The following ZNF385D variants were observed in gnomAD, a reference collection of about 807,000 sequenced individuals.
ZNF385D encodes the protein zinc finger protein 385D, also known as zinc finger protein 659.
In ZNF385D, 15 loss-of-function variants were observed where a neutral mutation model predicts 35.8. The ratio of observed to expected loss-of-function variants is 0.42; its 90% CI spans 0.28 to 0.64. The LOEUF (loss-of-function observed/expected upper bound fraction) is 0.64, where lower values mean the gene tolerates loss of function less well. Among genes scored for constraint, ZNF385D ranks in the 30% least tolerant of loss-of-function variants. The pLI is 0.23. For missense variants in ZNF385D, 474 were observed against 494.6 expected, an observed-to-expected ratio of 0.96 and a Z score of 0.39; for synonymous variants, 212 against 186.8, an observed-to-expected ratio of 1.13 and a Z score of -1.10.
chr3:22,162,187 A>C (rs1706001699), intron 3 of ZNF385D, among the ~76,000 whole-genome samples: 1 of 152,172 alleles, frequency 6.6e-6, no homozygotes, highest in Admixed American at 6.6e-5. Flanking sequence ...GCACAATAAA[A>C]CACATTGTGC....
chr3:21,965,412 C>G (rs192408548), intron 3 of ZNF385D, among the ~76,000 whole-genome samples: 1 of 152,020 alleles, frequency 6.6e-6, no homozygotes, highest in African/African-American at 2.4e-5. Flanking sequence ...CTAGACATAA[C>G]GTGCCAGAGC....
chr3:21,912,680 C>G (rs1448887082), intron 3 of ZNF385D, among the ~76,000 whole-genome samples: 1 of 151,974 alleles, frequency 6.6e-6, no homozygotes, highest in Admixed American at 6.6e-5. Context: ...AGAACTTTCC[C>G]CATCCTTTTG....
chr3:22,255,043 A>C (rs1490311318), intron 2 of ZNF385D, among the ~76,000 whole-genome samples: 1 of 151,852 alleles, frequency 6.6e-6, no homozygotes, highest in Non-Finnish European at 1.5e-5. Flanking sequence ...GCAATTTAAA[A>C]TCTATGTATT....
intron 3 of ZNF385D, among the ~76,000 whole-genome samples, chr3:21,787,477 C>G (rs953606062): frequency 6.6e-6 from 1 of 152,212 alleles, no homozygotes; most frequent in South Asian, 2.1e-4. Context: ...TATCCAGATG[C>G]TAATATCCAG....
chr3:22,244,953 C>CT (rs1313485890), intron 2 of ZNF385D, among the ~76,000 whole-genome samples: 2 of 152,014 alleles, frequency 1.3e-5, no homozygotes, highest in Non-Finnish European at 2.9e-5. Context: ...GAGCTGTGGC[C>CT]TTGGCATAGC....
In ZNF385D at chr3:21,421,277, G is replaced by A. The variant is rs775639943; in HGVS notation, c.1125C>T (p.Leu375=). 1.2e-6 allele frequency: 2 copies of A among 1,614,018 alleles called. No homozygotes were observed. The highest frequency in any genetic ancestry group is 2.7e-5 in the African/African-American group (2 of 74,900). Residue 375 remains leucine, a synonymous_variant, in exon 8 of 8, where the codon CTC becomes CTT. Coordinates refer to ENST00000281523, the MANE Select transcript of ZNF385D (RefSeq NM_024697.3). Reference sequence around the variant, plus strand: ...GAATGGGTCCAGGAGCTGGCCGCAGGAGTGCCGGAGGAAGCGCGGAAGTCT... The same window carrying A: ...GAATGGGTCCAGGAGCTGGCCGCAGAAGTGCCGGAGGAAGCGCGGAAGTCT... ...LFQTSALPPA[L]LRPAPGPIRT...
intron 3 of ZNF385D, among the ~76,000 whole-genome samples, chr3:21,925,040 ATGGTT>A (rs1040859783): frequency 2.6e-5 from 4 of 152,216 alleles, no homozygotes; most frequent in African/African-American, 9.6e-5. Context: ...TACCATGTTC[ATGGTT>A]TGGAAGAACA....
intron 3 of ZNF385D, among the ~76,000 whole-genome samples, chr3:21,905,205 C>CAAAAAAAAAA (rs63147760): frequency 1.3e-4 from 9 of 69,718 alleles, no homozygotes; most frequent in East Asian, 3.7e-4. Flanking sequence ...ACAAAAAATC[C>CAAAAAAAAAA]AAAAAAAAAA....
chr3:21,427,225 C>T (rs1701061508), intron 5 of ZNF385D, among the ~76,000 whole-genome samples: 1 of 152,130 alleles, frequency 6.6e-6, no homozygotes, highest in Admixed American at 6.5e-5. Context: ...GAGCAAGAAA[C>T]AAAATATGTA....
At chr3:22,012,434 T>C (rs558725610) in intron 3 of ZNF385D, among the ~76,000 whole-genome samples, 3 of 152,258 alleles carry the variant, frequency 2.0e-5, no homozygotes, top group East Asian at 1.9e-4. Context: ...TTGTAAAATA[T>C]TGCTCAAAAC....
intron 3 of ZNF385D, among the ~76,000 whole-genome samples, chr3:21,556,444 T>TA (rs1369467408): frequency 6.6e-6 from 1 of 152,222 alleles, no homozygotes; most frequent in Non-Finnish European, 1.5e-5. Flanking sequence ...TGCATATGGT[T>TA]AGCCAGTTTT....
rs1396055826 is a variant in ZNF385D at position 22,029,255 on chromosome 3, A to G, written c.325+139562T>C. ...GACTTACTTGCACTATCAAGATGAA[A>G]TTAATCTATTACTCCAGCATGGAAG... On this transcript the variant is annotated intron_variant, in intron 3 of 5. Transcript: ENST00000494108. 4.7e-4 allele frequency among the ~76,000 whole-genome samples: 72 copies of G among 152,328 alleles called. 2 individuals carry two copies. In the East Asian group the frequency reaches 0.013, roughly 27 times the overall value.
chr3:21,697,803 T>G (rs904555782), intron 1 of ZNF385D, among the ~76,000 whole-genome samples: 1 of 151,882 alleles, frequency 6.6e-6, no homozygotes, highest in Admixed American at 6.6e-5. Context: ...AAACAGACAT[T>G]TCTCAAAAAA....
At chr3:22,115,698 C>T (rs1414577477) in intron 3 of ZNF385D, among the ~76,000 whole-genome samples, 1 of 151,974 alleles carries the variant, frequency 6.6e-6, no homozygotes, top group African/African-American at 2.4e-5. Flanking sequence ...AGCTTTTCTG[C>T]AAAGTGTAAA....
intron 5 of ZNF385D, among the ~76,000 whole-genome samples, chr3:21,428,550 C>G (rs1301991955): frequency 6.6e-6 from 1 of 152,076 alleles, no homozygotes; most frequent in Non-Finnish European, 1.5e-5. Flanking sequence ...CTACAATTCT[C>G]CTTCCATCCC....
intron 2 of ZNF385D, among the ~76,000 whole-genome samples, chr3:22,206,043 T>C (rs1697128924): frequency 6.6e-6 from 1 of 151,876 alleles, no homozygotes; most frequent in Admixed American, 6.6e-5. Flanking sequence ...GAAACACACT[T>C]TACCTGTAAG....
chr3:22,174,318 T>C (rs904866867), intron 2 of ZNF385D, among the ~76,000 whole-genome samples: 13 of 152,160 alleles, frequency 8.5e-5, no homozygotes, highest in African/African-American at 2.9e-4. Flanking sequence ...TGATGCCTTG[T>C]CAAAGTGGCA....
At position 21,539,397 on chromosome 3, in the gene ZNF385D, G is replaced by T. The variant is rs189491978; in HGVS notation, c.276+25177C>A. ...AATAAAAACACAGAACTCTCTGTTG[G>T]CCTATTTCAATCAAAAATAGATATA... On this transcript the variant is annotated intron_variant, in intron 3 of 7. Coordinates refer to ENST00000281523, the MANE Select transcript of ZNF385D (RefSeq NM_024697.3). The surrounding 1 kb of genome is among the most constrained non-coding windows in gnomAD (Gnocchi z 4.0). Among the ~76,000 whole-genome samples, 1 of 152,186 alleles carries T rather than the reference G, an allele frequency of 6.6e-6. No individual in the cohort carries two copies. The highest frequency in any genetic ancestry group is 1.5e-5 in the Non-Finnish European group (1 of 68,004).
At chr3:21,726,012 G>T (rs936614142) in intron 1 of ZNF385D, among the ~76,000 whole-genome samples, 1 of 152,156 alleles carries the variant, frequency 6.6e-6, no homozygotes, top group African/African-American at 2.4e-5. Context: ...GGGAGGCAAG[G>T]CTGGTTCAAC....
Sources: allele counts gnomAD v4.1 joint callset (sites outside exome capture counted in the v4.1 genomes callset), GRCh38; gene constraint gnomAD v4.1.1; non-coding constraint Gnocchi (gnomAD v3.1); transcripts MANE v1.5; gene names NCBI Gene and HGNC (gene_info 2026-07-23, HGNC 2026-07-21).